DNAH9: variants seen among roughly 807,000 people sequenced by gnomAD.
DNAH9 encodes DNAH9 variant protein.
In DNAH9, 345 loss-of-function variants were observed where a neutral mutation model predicts 471.6. The ratio of observed to expected loss-of-function variants is 0.73; its 90% confidence interval spans 0.67 to 0.80. The LOEUF (loss-of-function observed/expected upper bound fraction) is 0.80. DNAH9 is among the 30% of genes least tolerant of loss of function. The pLI is 0.00. For synonymous variants in DNAH9, 2,093 were observed against 2,123.6 expected (o/e 0.99, Z 0.40); for missense variants, 5,407 against 5,609.2 (o/e 0.96, Z 1.15).
At position 11,933,997 on chromosome 17, in the gene DNAH9, A is replaced by T; in HGVS notation, c.12415A>T (p.Met4139Leu). The change falls in exon 65 of 69, where the codon ATG becomes TTG. Residue 4139 changes from methionine to leucine, a missense_variant. Coordinates refer to ENST00000262442, the MANE Select transcript of DNAH9 (RefSeq NM_001372.4). ...CCTGGGGGAATTCATTCGACCAGAA[A>T]TGTTAGAAGGAGAACTGTCTTTGGC... ...TYLGEFIRPEMLEGELSLAPG... is the reference protein window; with the variant it reads ...TYLGEFIRPELLEGELSLAPG... 2 of 1,614,198 alleles carry T rather than the reference A, an allele frequency of 1.2e-6. No homozygotes were observed. Among genetic ancestry groups the T allele is most frequent in the Non-Finnish European group, 1.7e-6 (2 of 1,180,026 alleles).
chr17:11,830,515 G>A (rs940164074), intron 48 of DNAH9, among the ~76,000 whole-genome samples: 5 of 152,036 alleles, frequency 3.3e-5, no homozygotes, highest in African/African-American at 1.2e-4. Flanking sequence ...TGATGTACTA[G>A]GATTCTTTTG....
At chr17:11,961,423 G>A (rs1011091616) in intron 67 of DNAH9, among the ~76,000 whole-genome samples, 2 of 152,070 alleles carry the variant, frequency 1.3e-5, no homozygotes, top group Non-Finnish European at 1.5e-5. Context: ...CCAATAGCTC[G>A]ATTTCTGAAA....
intron 9 of DNAH9, 125 bp downstream of exon 9, chr17:11,636,909 C>A (rs764953459): frequency 1.4e-4 from 127 of 881,118 alleles, no homozygotes; most frequent in Non-Finnish European, 2.0e-4. Flanking sequence ...GCAAGCACAA[C>A]CTTCTTGCTT....
At chr17:11,852,547 C>T (rs1281222407) in intron 49 of DNAH9, among the ~76,000 whole-genome samples, 3 of 151,938 alleles carry the variant, frequency 2.0e-5, no homozygotes, top group African/African-American at 7.3e-5. Context: ...CAGCCCAGTA[C>T]CTGGAGAAAA....
At chr17:11,704,481 C>A in intron 25 of DNAH9, 39 bp downstream of exon 25, 1 of 1,600,800 alleles carries the variant, frequency 6.2e-7, no homozygotes, top group Non-Finnish European at 8.5e-7. Context: ...CTTTTGTGTA[C>A]AGCTACACTG....
intron 1 of DNAH9, among the ~76,000 whole-genome samples, chr17:11,605,476 TCTGTTG>T (rs201638172): frequency 0.13 from 19,998 of 150,958 alleles, 1,913 homozygotes; most frequent in African/African-American, 0.25. Context: ...AGCTTTTTGG[TCTGTTG>T]TTGTTGTTGT....
chr17:11,939,157 T>C (rs1446034079), intron 66 of DNAH9, among the ~76,000 whole-genome samples: 1 of 152,190 alleles, frequency 6.6e-6, no homozygotes, highest in Non-Finnish European at 1.5e-5. Flanking sequence ...ACCTAGTGAT[T>C]TTGATGAGGT....
At chr17:11,954,784 AAAAAG>A (rs1380739989) in intron 67 of DNAH9, among the ~76,000 whole-genome samples, 2 of 145,436 alleles carry the variant, frequency 1.4e-5, no homozygotes, top group Non-Finnish European at 3.1e-5. Context: ...AAAAAAAAAA[AAAAAG>A]AGAGAGAAAG....
rs1481934280 is a variant in DNAH9 at position 11,863,858 on chromosome 17, G to A, written c.9934-5276G>A. Among the ~76,000 whole-genome samples the A allele has an allele frequency of 7.3e-5, 11 of 151,242 alleles. No individual in the cohort carries two copies. The East Asian group carries it at 1.9e-3, about 27-fold the overall frequency. ...TGGTAGTTTGTATTTCTGTGGGATC[G>A]GTGGTGATATCCCCTTTATCATTTT... On this transcript the variant is annotated intron_variant, in intron 50 of 68. Transcript: ENST00000262442.
intron 62 of DNAH9, among the ~76,000 whole-genome samples, chr17:11,929,365 C>A (rs1974431467): frequency 6.6e-6 from 1 of 152,138 alleles, no homozygotes; most frequent in Admixed American, 6.6e-5. Flanking sequence ...GTCTCCAGAC[C>A]AGTAGCATCT....
At chr17:11,764,921 G>A (rs897894143) in intron 36 of DNAH9, among the ~76,000 whole-genome samples, 4 of 152,110 alleles carry the variant, frequency 2.6e-5, no homozygotes, top group Non-Finnish European at 4.4e-5. Context: ...GCAGCTTTTT[G>A]TATATCAGTC....
At chr17:11,768,261 T>G (rs1434305334) in intron 36 of DNAH9, among the ~76,000 whole-genome samples, 192 bp from the exon 37 acceptor site, 2 of 152,184 alleles carry the variant, frequency 1.3e-5, no homozygotes, top group African/African-American at 4.8e-5. Context: ...GCGTGGCCCC[T>G]GCGTAGTCCG....
intron 14 of DNAH9, among the ~76,000 whole-genome samples, chr17:11,660,325 T>C (rs1188333922): frequency 1.7e-5 from 2 of 116,648 alleles, no homozygotes; most frequent in South Asian, 6.1e-4. Flanking sequence ...GTTTCTTTTT[T>C]TTTTTTTTTT....
intron 30 of DNAH9, among the ~76,000 whole-genome samples, chr17:11,744,415 C>T (rs571291356): frequency 8.0e-4 from 121 of 152,158 alleles, no homozygotes; most frequent in Non-Finnish European, 1.2e-3. Flanking sequence ...GTGAAGGCCT[C>T]CAAGGTGGCA....
chr17:11,888,140 A>T (rs1048191115), intron 57 of DNAH9, among the ~76,000 whole-genome samples: 1 of 151,618 alleles, frequency 6.6e-6, no homozygotes, highest in Non-Finnish European at 1.5e-5. Flanking sequence ...CCACCACCGC[A>T]CCTGGCTAAT....
In DNAH9 at chr17:11,932,377, C is replaced by T. The variant is rs760097534; in HGVS notation, c.12297+172C>T. On this transcript the variant is annotated intron_variant, in intron 64 of 68. Coordinates refer to ENST00000262442, the MANE Select transcript of DNAH9 (RefSeq NM_001372.4). The surrounding 1 kb of genome is among the most constrained non-coding windows in gnomAD (Gnocchi z 4.3). ...CGGGGACCATAATTTAAGAGTGTAA[C>T]ACATGGTCATGTTCCAAGCCCCACT... Among the ~76,000 whole-genome samples, 24 of 152,254 alleles carry T rather than the reference C, an allele frequency of 1.6e-4. No individual in the cohort carries two copies. The highest frequency in any genetic ancestry group is 2.1e-4 in the South Asian group (1 of 4,824).
At chr17:11,805,823 G>T (rs1177548802) in intron 43 of DNAH9, among the ~76,000 whole-genome samples, 6 of 152,036 alleles carry the variant, frequency 3.9e-5, no homozygotes, top group African/African-American at 1.4e-4. Flanking sequence ...AAAGTGCTGG[G>T]ATTACAGGCA....
intron 67 of DNAH9, among the ~76,000 whole-genome samples, chr17:11,957,063 A>C (rs1975679722): frequency 1.3e-5 from 2 of 152,116 alleles, no homozygotes; most frequent in South Asian, 4.1e-4. Flanking sequence ...AACTTGAAAA[A>C]ATCAGGATGG....
chr17:11,622,823 C>T lies in DNAH9; in HGVS notation c.1350+3042C>T, dbSNP rs575583211. On this transcript the variant is annotated intron_variant, in intron 6 of 68. Transcript: ENST00000262442. ...GGCACAGGTGCATAAAAAGCAGTTG[C>T]CCCCATTTAATTAGAGGATGACATG... Among the ~76,000 whole-genome samples the T allele has an allele frequency of 4.3e-3, 654 of 152,208 alleles. 3 individuals carry two copies. The highest frequency in any genetic ancestry group is 7.5e-3 in the Non-Finnish European group (512 of 67,998).
Sources: allele counts gnomAD v4.1 joint callset (sites outside exome capture counted in the v4.1 genomes callset), GRCh38; gene constraint gnomAD v4.1.1; non-coding constraint Gnocchi (gnomAD v3.1); transcripts MANE v1.5; gene names NCBI Gene and HGNC (gene_info 2026-07-23, HGNC 2026-07-21).